The following COLEC10 variants were observed in gnomAD, a reference collection of about 807,000 sequenced individuals.
The protein encoded by COLEC10 is collectin-10.
COLEC10 carries 22 observed loss-of-function variants against 28.4 expected under a neutral mutation model. That is an observed-to-expected ratio of 0.78 (90% CI 0.55 to 1.11). COLEC10 has a LOEUF of 1.11. Ranked by LOEUF, COLEC10 falls within the 50% of genes least tolerant of loss-of-function variation. The pLI, the probability that COLEC10 is intolerant of heterozygous loss-of-function variation, is 0.00. For synonymous variants in COLEC10, 125 were observed against 116.1 expected (o/e 1.08, Z -0.49); for missense variants, 361 against 344.1 (o/e 1.05, Z -0.39).
At chr8:119,100,563 T>A (rs888295297) in intron 3 of COLEC10, among the ~76,000 whole-genome samples, 4 of 152,224 alleles carry the variant, frequency 2.6e-5, no homozygotes, top group Non-Finnish European at 5.9e-5. Context: ...CATGCCTTTA[T>A]CCCAACTATA....
At chr8:119,059,878 ACAAAT>A (rs1219801251) in intron 2 of COLEC10, among the ~76,000 whole-genome samples, 21 of 152,252 alleles carry the variant, frequency 1.4e-4, no homozygotes. Flanking sequence ...ATAATTTTGA[ACAAAT>A]CAAAAGAAAA....
At chr8:119,069,371 G>T (rs1815042326) in intron 1 of COLEC10, among the ~76,000 whole-genome samples, 1 of 151,686 alleles carries the variant, frequency 6.6e-6, no homozygotes. Context: ...AAGGCAGGTG[G>T]ATCACTTGAG....
intron 2 of COLEC10, among the ~76,000 whole-genome samples, chr8:119,061,926 A>G (rs532435299): frequency 6.6e-6 from 1 of 152,314 alleles, no homozygotes; most frequent in East Asian, 1.9e-4. Flanking sequence ...AAGGAAACTA[A>G]TAGAAGACTT....
In COLEC10 at chr8:119,092,660, C is replaced by A. The variant is rs140007617; in HGVS notation, c.292+1440C>A. Among the ~76,000 whole-genome samples, 342 of 152,220 alleles carry A rather than the reference C, an allele frequency of 2.2e-3. 1 individual carries two copies. The highest frequency in any genetic ancestry group is 7.6e-3 in the African/African-American group (317 of 41,538). On this transcript the variant is annotated intron_variant, in intron 3 of 5. Coordinates refer to ENST00000332843, the MANE Select transcript of COLEC10 (RefSeq NM_006438.5). ...GTGGCTCACACCTGTAATCCCAACA[C>A]TTTAGGGGGCTGAGATGGGTGGATC...
Position 119,015,415 on chromosome 8 carries a change from C to T in COLEC10, n.235+5862C>T, listed in dbSNP as rs543107524. On this transcript the variant is annotated intron_variant and non_coding_transcript_variant, in intron 2 of 6. Transcript: ENST00000521788. ...TCTGACAAAACCTCCACAGATTAGG[C>T]TTTGGTTGAATAGTTTCTGCTGAAG... Among the ~76,000 whole-genome samples the T allele has an allele frequency of 4.1e-4, 62 of 151,102 alleles. 4 individuals carry two copies. Among genetic ancestry groups the T allele is most frequent in the African/African-American group, 1.5e-3 (61 of 40,460 alleles).
upstream of COLEC10, among the ~76,000 whole-genome samples, chr8:118,992,382 C>T (rs1337031573): frequency 1.3e-5 from 2 of 152,032 alleles, no homozygotes; most frequent in East Asian, 1.9e-4. Flanking sequence ...CTAGACAGTG[C>T]CTGTCCAAAA....
At chr8:118,988,145 C>T in the COLEC10 span, among the ~76,000 whole-genome samples, 17 of 152,060 alleles carry the variant, frequency 1.1e-4, no homozygotes, top group African/African-American at 3.9e-4. Context: ...TTGTTGAAGG[C>T]TGACTGTGAA....
chr8:119,082,993 C>A (rs930733385), intron 1 of COLEC10, among the ~76,000 whole-genome samples: 1 of 152,182 alleles, frequency 6.6e-6, no homozygotes, highest in African/African-American at 2.4e-5. Context: ...GCTTTGACCT[C>A]TTCCTGGGAA....
At chr8:119,066,301 G>T (rs771834054), upstream of COLEC10, among the ~76,000 whole-genome samples, 13 of 152,116 alleles carry the variant, frequency 8.5e-5, no homozygotes, top group Non-Finnish European at 1.3e-4. Flanking sequence ...ATCTTACTAT[G>T]CCCATACTAT....
chr8:119,062,688 C>T (rs776034895), upstream of COLEC10, among the ~76,000 whole-genome samples: 12 of 152,084 alleles, frequency 7.9e-5, no homozygotes, highest in Non-Finnish European at 1.3e-4. Context: ...CCATGTTGGC[C>T]AGGCTGGTCT....
intron 2 of COLEC10, among the ~76,000 whole-genome samples, chr8:119,044,517 T>C (rs1202327916): frequency 6.6e-6 from 1 of 152,008 alleles, no homozygotes; most frequent in Non-Finnish European, 1.5e-5. Flanking sequence ...AATGAAAATA[T>C]ATGAAAGAGT....
At chr8:119,063,006 C>A (rs1814886319), upstream of COLEC10, 1 of 152,174 alleles carries the variant, frequency 6.6e-6, no homozygotes. Flanking sequence ...TGAGTTATAT[C>A]AATTTGTCAA....
chr8:119,022,422 A>G (rs1814116519), intron 2 of COLEC10, among the ~76,000 whole-genome samples: 1 of 152,156 alleles, frequency 6.6e-6, no homozygotes, highest in Non-Finnish European at 1.5e-5. Flanking sequence ...GTATGTTAAC[A>G]TTACATAAAG....
intron 1 of COLEC10, among the ~76,000 whole-genome samples, chr8:119,083,940 T>C (rs575029463): frequency 2.0e-5 from 3 of 152,280 alleles, no homozygotes; most frequent in South Asian, 2.1e-4. Flanking sequence ...CAGAGCAACG[T>C]TGCCAGGGTC....
At chr8:119,052,190 A>G (rs538853513) in intron 2 of COLEC10, among the ~76,000 whole-genome samples, 14 of 152,316 alleles carry the variant, frequency 9.2e-5, no homozygotes, top group African/African-American at 2.9e-4. Context: ...GTGATTGTAA[A>G]GCATTTTAGC....
chr8:118,966,447 G>A, the COLEC10 span, among the ~76,000 whole-genome samples: 1 of 152,068 alleles, frequency 6.6e-6, no homozygotes, highest in African/African-American at 2.4e-5. Context: ...CTTTCAGAAG[G>A]GGTGAATTAT....
Position 119,103,905 on chromosome 8 carries a change from T to C in COLEC10, c.442+10T>C. 1 of 1,545,640 alleles carries C rather than the reference T, an allele frequency of 6.5e-7. No homozygotes were observed. Among genetic ancestry groups the C allele is most frequent in the African/African-American group, 1.4e-5 (1 of 73,394 alleles). On this transcript the variant is annotated intron_variant, in intron 5 of 5. Transcript: ENST00000332843. ...AAGTTTGTCAAGAATGGTGAGCATA[T>C]TCTCTTTTGTGTTATGTATCTATTG...
chr8:119,066,360 A>C (rs1267998495), upstream of COLEC10, among the ~76,000 whole-genome samples: 1 of 152,166 alleles, frequency 6.6e-6, no homozygotes, highest in Non-Finnish European at 1.5e-5. Context: ...TGATCTCTGT[A>C]TCTATATCTG....
intron 1 of COLEC10, among the ~76,000 whole-genome samples, chr8:119,070,184 A>G (rs1333145904): frequency 6.6e-6 from 1 of 152,150 alleles, no homozygotes; most frequent in Admixed American, 6.5e-5. Context: ...CAGTGTCTTC[A>G]TTTGCAAAAT....
Sources: gnomAD v4.1 joint callset for allele counts (sites outside exome capture counted in the v4.1 genomes callset) on GRCh38, gnomAD v4.1.1 for gene constraint, MANE v1.5 for transcripts, NCBI Gene and HGNC (gene_info 2026-07-23, HGNC 2026-07-21) for gene names.